ZGRF1: variants seen among roughly 807,000 people sequenced by gnomAD.
ZGRF1 encodes the protein 5'-3' DNA helicase ZGRF1.
In ZGRF1, 196 loss-of-function variants were observed where a neutral mutation model predicts 203.5. That is an observed-to-expected ratio of 0.96 (90% CI 0.86 to 1.08). The LOEUF is 1.08. ZGRF1 is among the 50% of genes least tolerant of loss of function. The pLI is 0.00. For missense variants in ZGRF1, 2,326 were observed against 2,416.3 expected, an observed-to-expected ratio of 0.96 and a Z score of 0.78; for synonymous variants, 809 against 841.3, an observed-to-expected ratio of 0.96 and a Z score of 0.66.
intron 16 of ZGRF1, among the ~76,000 whole-genome samples, chr4:112,563,649 A>G (rs1018547268): frequency 8.5e-5 from 13 of 152,274 alleles, no homozygotes; most frequent in Non-Finnish European, 1.8e-4. Flanking sequence ...CTAAGAAGGC[A>G]GGACATGGGC....
chr4:112,561,222 T>C lies in ZGRF1; in HGVS notation c.4698-227A>G, dbSNP rs192715331. On this transcript the variant is annotated intron_variant, in intron 18 of 27. Transcript: ENST00000505019. ...ATACTTACTACATGCTGACACTTTG[T>C]TGAGCATTTTACATATTACTTGATG... The C allele has an allele frequency of 1.0e-4, 49 of 487,896 alleles. No homozygotes were observed. In the East Asian group the frequency reaches 1.3e-3, roughly 13 times the overall value. The allele number at this position is 487,896 out of a possible 1,614,324, so 30.2% of individuals were successfully genotyped here. A position where few individuals can be genotyped will look rare whatever the true frequency, so the allele number is the denominator to read the frequency against.
At position 112,618,587 on chromosome 4, in the gene ZGRF1, G is replaced by A. The variant is rs778152070; in HGVS notation, c.1455C>T (p.Leu485=). 6.2e-7 allele frequency: 1 copy of A among 1,613,596 alleles called. No individual in the cohort carries two copies. The highest frequency in any genetic ancestry group is 8.5e-7 in the Non-Finnish European group (1 of 1,179,830). ...TAGAATTATTACTAGATTCAATTTG[G>A]AGATGTTTCAGTTCTGGCAGAGATG... is the stretch of plus-strand genomic sequence containing the variant. The part of the protein sequence containing the change: ...SESSLPELKH[L]QIESSNNSRI... Residue 485 remains leucine, a synonymous_variant, in exon 6 of 28, where the codon CTC becomes CTT. Coordinates refer to ENST00000505019, the MANE Select transcript of ZGRF1 (RefSeq NM_018392.5).
At position 112,539,764 on chromosome 4, in the gene ZGRF1, C is replaced by A. The variant is rs1737172578; in HGVS notation, c.6173-75G>T. On this transcript the variant is annotated intron_variant, in intron 27 of 27. Coordinates refer to ENST00000505019, the MANE Select transcript of ZGRF1 (RefSeq NM_018392.5). ...CCCAATATTATCATGTCAGTTACTT[C>A]CCCCAGCAGAGCTGTTCCTGCTTGA... 4.6e-5 allele frequency: 72 copies of A among 1,556,408 alleles called. 2 individuals carry two copies. The South Asian group carries it at 8.3e-4, about 18-fold the overall frequency.
At chr4:112,597,853 C>A (rs1023421480) in intron 10 of ZGRF1, among the ~76,000 whole-genome samples, 1 of 150,730 alleles carries the variant, frequency 6.6e-6, no homozygotes, top group African/African-American at 2.4e-5. Context: ...CACTTCACTC[C>A]GGCCTGGGTG....
At chr4:112,600,090 G>A (rs527307561) in intron 10 of ZGRF1, among the ~76,000 whole-genome samples, 1 of 152,110 alleles carries the variant, frequency 6.6e-6, no homozygotes, top group African/African-American at 2.4e-5. Context: ...CCAGTGTGGT[G>A]GCATGATCAT....
At chr4:112,584,312 C>G in intron 14 of ZGRF1, 138 bp from the exon 15 acceptor site, 1 of 415,622 alleles carries the variant, frequency 2.4e-6, no homozygotes, top group Non-Finnish European at 4.2e-6. Context: ...TATGACTTAA[C>G]TTTATCATTA....
intron 10 of ZGRF1, among the ~76,000 whole-genome samples, chr4:112,595,219 G>A (rs1748802164): frequency 6.6e-6 from 1 of 152,230 alleles, no homozygotes; most frequent in Non-Finnish European, 1.5e-5. Flanking sequence ...GCCTGTACAT[G>A]TGCAAATGTA....
intron 10 of ZGRF1, among the ~76,000 whole-genome samples, chr4:112,597,212 TAAAAAA>T (rs1273783172): frequency 9.5e-6 from 1 of 105,354 alleles, no homozygotes; most frequent in African/African-American, 3.7e-5. Context: ...AAACTCCATC[TAAAAAA>T]AAAAAAAAAA....
intron 24 of ZGRF1, among the ~76,000 whole-genome samples, chr4:112,542,061 C>G (rs1478678569): frequency 6.6e-6 from 1 of 152,108 alleles, no homozygotes; most frequent in Non-Finnish European, 1.5e-5. Context: ...AATGCTCACG[C>G]CAGGCGCAGT....
At chr4:112,598,194 G>A (rs1749358061) in intron 10 of ZGRF1, among the ~76,000 whole-genome samples, 1 of 151,992 alleles carries the variant, frequency 6.6e-6, no homozygotes, top group South Asian at 2.1e-4. Flanking sequence ...TGAAAAACCT[G>A]GAAAAGATGC....
At position 112,619,368 on chromosome 4, in the gene ZGRF1, T is replaced by C; in HGVS notation, c.674A>G (p.Asp225Gly). 1 of 1,613,078 alleles carries C rather than the reference T, an allele frequency of 6.2e-7. No homozygotes were observed. The highest frequency in any genetic ancestry group is 1.1e-5 in the South Asian group (1 of 90,974). ...CACAGGCTCATTGGTCAGTAAAGAGTCTGAAAGCTTATTTCCAGAATTGAC... is the reference window on the plus strand; with the variant it reads ...CACAGGCTCATTGGTCAGTAAAGAGCCTGAAAGCTTATTTCCAGAATTGAC... ...SPVNSGNKLS[D>G]SLLTNEPVKR... The change falls in exon 6 of 28, where the codon GAC becomes GGC. Residue 225 changes from aspartate to glycine, a missense_variant. Physicochemically the swap from Asp to Gly is moderately conservative, Grantham distance 94. Coordinates refer to ENST00000505019, the MANE Select transcript of ZGRF1 (RefSeq NM_018392.5).
In ZGRF1 at chr4:112,553,908, G is replaced by A. The variant is rs965841797; in HGVS notation, c.5273C>T (p.Pro1758Leu). The change falls in exon 22 of 28, where the codon CCT becomes CTT. Residue 1758 changes from proline to leucine, a missense_variant. By Grantham distance (98) the Pro-to-Leu change is moderately conservative. Coordinates refer to ENST00000505019, the MANE Select transcript of ZGRF1 (RefSeq NM_018392.5). ...LHALMKEDLTPTERVYVRKSI... is the reference protein window; with the variant it reads ...LHALMKEDLTLTERVYVRKSI... ...TTTTCTCACATAGACTCTTTCCGTA[G>A]GAGTCAGGTCTTCTTTCATTAGTGC... 2 of 1,613,440 alleles carry A rather than the reference G, an allele frequency of 1.2e-6. No homozygotes were observed. Among genetic ancestry groups the A allele is most frequent in the Admixed American group, 1.7e-5 (1 of 59,958 alleles).
chr4:112,548,348 G>A lies in ZGRF1; in HGVS notation c.5379C>T (p.Cys1793=). 6.4e-7 allele frequency: 1 copy of A among 1,554,908 alleles called. No individual in the cohort carries two copies. Among genetic ancestry groups the A allele is most frequent in the Non-Finnish European group, 8.7e-7 (1 of 1,148,412 alleles). Residue 1793 remains cysteine (C), a synonymous_variant, in exon 23 of 28, where the codon TGC becomes TGT. Transcript: ENST00000505019. ...VRVVGVTCAA[C]PFPCMNDLKF... is the part of the protein sequence containing the mutation. ...TAAGATCATTCATGCATGGGAATGG[G>A]CAGGCTGCACAGGTAACTCCAACTA...
Position 112,631,972 on chromosome 4 carries a change from C to T in ZGRF1, c.60G>A (p.Val20=), listed in dbSNP as rs1372147102. Residue 20 remains valine (V), a synonymous_variant, in exon 3 of 28, where the codon GTG becomes GTA. Coordinates refer to ENST00000505019, the MANE Select transcript of ZGRF1 (RefSeq NM_018392.5). ...YTHQKMKKSK[V]WQDGILKITH... is the part of the protein sequence containing the mutation. ...TGATCTTCAGAATTCCATCTTGCCA[C>T]ACTTTTGACTTCTTCATCTTTTGAT... The T allele has an allele frequency of 6.3e-7, 1 of 1,596,554 alleles. No individual in the cohort carries two copies. Among genetic ancestry groups the T allele is most frequent in the Non-Finnish European group, 8.5e-7 (1 of 1,171,540 alleles).
intron 17 of ZGRF1, among the ~76,000 whole-genome samples, chr4:112,562,687 T>G (rs6816676): frequency 6.6e-6 from 1 of 152,066 alleles, no homozygotes; most frequent in African/African-American, 2.4e-5. Flanking sequence ...ATAATGGGTA[T>G]GCATAAACTG....
At chr4:112,624,040 T>C (rs1207585384) in intron 3 of ZGRF1, 164 bp from the exon 4 acceptor site, 2 of 575,200 alleles carry the variant, frequency 3.5e-6, no homozygotes, top group South Asian at 2.4e-5. Context: ...ATGTTTATTA[T>C]GCATCAGTCT....
chr4:112,618,148 C>T lies in ZGRF1; in HGVS notation c.1894G>A (p.Gly632Arg). The T allele has an allele frequency of 6.2e-7, 1 of 1,613,762 alleles. No homozygotes were observed. The highest frequency in any genetic ancestry group is 8.5e-7 in the Non-Finnish European group (1 of 1,179,858). ...TCACTATACTCCTCTATTTCTTTTC[C>T]TGTGTTTTCAGTTTTACATATTCCC... ...DMGICKTENT[G>R]KEIEEYSDTL... Residue 632 changes from glycine (G) to arginine (R), a missense_variant, in exon 6 of 28, where the codon GGA (glycine) becomes AGA (arginine). By Grantham distance (125) the Gly-to-Arg change is moderately radical (BLOSUM62 -2). Coordinates refer to ENST00000505019, the MANE Select transcript of ZGRF1 (RefSeq NM_018392.5).
intron 13 of ZGRF1, 33 bp downstream of exon 13, chr4:112,586,412 A>G (rs1415223206): frequency 6.6e-7 from 1 of 1,519,554 alleles, no homozygotes; most frequent in Non-Finnish European, 8.9e-7. Flanking sequence ...ATGAAGCAGC[A>G]ATCATGATAC....
chr4:112,555,683 C>A (rs1740798410), intron 20 of ZGRF1, among the ~76,000 whole-genome samples: 1 of 152,148 alleles, frequency 6.6e-6, no homozygotes, highest in Non-Finnish European at 1.5e-5. Flanking sequence ...TCTTTCATTT[C>A]TTCTCAAGAA....
Sources: gnomAD v4.1 joint callset for allele counts (sites outside exome capture counted in the v4.1 genomes callset) on GRCh38, gnomAD v4.1.1 for gene constraint, MANE v1.5 for transcripts, NCBI Gene and HGNC (gene_info 2026-07-23, HGNC 2026-07-21) for gene names.